SIK2: variants seen among roughly 807,000 people sequenced by gnomAD.
SIK2 encodes salt inducible kinase 2, also known as serine/threonine-protein kinase SIK2.
A neutral mutation model predicts 103.2 loss-of-function variants in SIK2; 29 were observed. That is an observed-to-expected ratio of 0.28 (90% CI 0.21 to 0.38). SIK2 has a LOEUF of 0.38. Ranked by LOEUF, SIK2 falls within the 10% of genes least tolerant of loss-of-function variation. SIK2 has a pLI of 1.00. For missense variants in SIK2, 879 were observed against 1,171.0 expected (o/e 0.75, Z 3.64); for synonymous variants, 412 against 446.1 (o/e 0.92, Z 0.96).
chr11:111,658,068 C>T (rs933060368), intron 3 of SIK2, among the ~76,000 whole-genome samples: 1 of 150,466 alleles, frequency 6.6e-6, no homozygotes, highest in Non-Finnish European at 1.5e-5. Flanking sequence ...TTTTAATTTA[C>T]TTATTTATTT....
intron 3 of SIK2, among the ~76,000 whole-genome samples, chr11:111,647,027 T>TA (rs1024057035): frequency 6.6e-6 from 1 of 152,240 alleles, no homozygotes; most frequent in African/African-American, 2.4e-5. Flanking sequence ...TTAACTACTT[T>TA]AAAAATATAA....
At chr11:111,648,756 A>G (rs1019627072) in intron 3 of SIK2, among the ~76,000 whole-genome samples, 1 of 151,998 alleles carries the variant, frequency 6.6e-6, no homozygotes, top group Non-Finnish European at 1.5e-5. Context: ...TCATTTGTAC[A>G]TTGTATGTTT....
intron 2 of SIK2, among the ~76,000 whole-genome samples, chr11:111,618,806 C>T (rs1211937290): frequency 6.6e-6 from 1 of 152,202 alleles, no homozygotes; most frequent in Non-Finnish European, 1.5e-5. Flanking sequence ...TCATAGCTCA[C>T]TGCAGCTTCA....
intron 3 of SIK2, among the ~76,000 whole-genome samples, chr11:111,668,065 T>G (rs1261373533): frequency 6.6e-6 from 1 of 152,046 alleles, no homozygotes; most frequent in Non-Finnish European, 1.5e-5. Context: ...ACTCTGAAAT[T>G]AGTCTTGAAG....
chr11:111,680,418 A>T (rs527902829), intron 3 of SIK2, among the ~76,000 whole-genome samples: 342 of 152,132 alleles, frequency 2.2e-3, no homozygotes, highest in Non-Finnish European at 3.9e-3. Context: ...GTTTTTTTTT[A>T]AAAAAGATTC....
intron 3 of SIK2, among the ~76,000 whole-genome samples, chr11:111,665,561 C>A (rs374550592): frequency 6.6e-6 from 1 of 151,898 alleles, no homozygotes; most frequent in South Asian, 2.1e-4. Flanking sequence ...TGGTGGCTCA[C>A]GCCTGTAATC....
chr11:111,699,060 G>C (rs1943149239), intron 4 of SIK2, among the ~76,000 whole-genome samples: 1 of 152,198 alleles, frequency 6.6e-6, no homozygotes, highest in Non-Finnish European at 1.5e-5. Flanking sequence ...GAGATATGAT[G>C]TTCTAGGAGT....
At position 111,693,134 on chromosome 11, in the gene SIK2, C is replaced by T. The variant is rs371804859; in HGVS notation, c.478+4972C>T. Among the ~76,000 whole-genome samples, 184 of 152,160 alleles carry T rather than the reference C, an allele frequency of 1.2e-3. 3 individuals carry two copies. The highest frequency in any genetic ancestry group is 0.011 in the East Asian group (55 of 5,174). ...GGATCACGAGGGCAGGATTTCGAGA[C>T]CATCCTGGCCAACATGGTGAAACCC... On this transcript the variant is annotated intron_variant, in intron 4 of 14. Transcript: ENST00000304987.
chr11:111,727,134 CA>C lies in SIK2; in HGVS notation c.*3006del. 2 of 1,296,346 alleles carry C rather than the reference CA, an allele frequency of 1.5e-6. No homozygotes were observed. Among genetic ancestry groups the C allele is most frequent in the Non-Finnish European group, 2.2e-6 (2 of 898,946 alleles). 80.3% of individuals were successfully genotyped at this position (1,296,346 alleles called of 1,614,324 possible). Reference sequence around the variant, plus strand: ...CATTCCCGGTGACACTGACCGTCCCCAGCTGCCCCCTCGCCACCTCTGCCTG... The same window carrying C: ...CATTCCCGGTGACACTGACCGTCCCCGCTGCCCCCTCGCCACCTCTGCCTG... On this transcript the variant is annotated 3_prime_UTR_variant, in exon 15 of 15. Coordinates refer to ENST00000304987, the MANE Select transcript of SIK2 (RefSeq NM_015191.3).
At chr11:111,614,752 T>G (rs1047649359) in intron 1 of SIK2, among the ~76,000 whole-genome samples, 1 of 152,184 alleles carries the variant, frequency 6.6e-6, no homozygotes, top group African/African-American at 2.4e-5. Context: ...CAGGAGACTG[T>G]GGGAATTATG....
intron 3 of SIK2, among the ~76,000 whole-genome samples, chr11:111,637,074 A>G (rs1240945615): frequency 6.6e-6 from 1 of 152,140 alleles, no homozygotes; most frequent in Non-Finnish European, 1.5e-5. Flanking sequence ...AATGCCTTTT[A>G]TTCAGATATT....
intron 1 of SIK2, among the ~76,000 whole-genome samples, chr11:111,604,496 T>C (rs775912035): frequency 1.4e-4 from 21 of 152,234 alleles, no homozygotes; most frequent in Non-Finnish European, 3.1e-4. Context: ...GTTAATACAG[T>C]AAGAGCTGCT....
At chr11:111,631,774 T>C (rs1942043427) in intron 3 of SIK2, among the ~76,000 whole-genome samples, 1 of 152,182 alleles carries the variant, frequency 6.6e-6, no homozygotes, top group African/African-American at 2.4e-5. Flanking sequence ...AGGCCTTAGG[T>C]CTTTGCACTT....
chr11:111,692,042 G>A (rs935583678), intron 4 of SIK2, among the ~76,000 whole-genome samples: 6 of 152,074 alleles, frequency 3.9e-5, no homozygotes, highest in African/African-American at 1.2e-4. Flanking sequence ...ATTGGGGATC[G>A]GGGAGACAGA....
Position 111,712,318 on chromosome 11 carries a change from A to G in SIK2, c.1209A>G (p.Ala403=). Residue 403 remains alanine, a synonymous_variant, in exon 9 of 15, where the codon GCA becomes GCG. Coordinates refer to ENST00000304987, the MANE Select transcript of SIK2 (RefSeq NM_015191.3). ...ASNVEAFSFP[A]SGCQAEAAFM... ...ACGTGGAGGCCTTTTCATTTCCAGC[A>G]TCTGGCTGTCAGGCGGAAGCTGCAT... The G allele has an allele frequency of 6.2e-7, 1 of 1,614,200 alleles. No homozygotes were observed. Among genetic ancestry groups the G allele is most frequent in the Non-Finnish European group, 8.5e-7 (1 of 1,180,038 alleles).
chr11:111,693,321 G>C (rs1343485991), intron 4 of SIK2, among the ~76,000 whole-genome samples: 1 of 148,648 alleles, frequency 6.7e-6, no homozygotes, highest in East Asian at 2.0e-4. Context: ...TGACAGAGGA[G>C]ACTCCGTCTC....
rs1944107742 is a variant in SIK2, at chr11:111,729,439, A to AAT, written c.*5311_*5312dup. The AAT allele has an allele frequency of 6.6e-6, 1 of 152,220 alleles. No individual in the cohort carries two copies. 9.4% of individuals were successfully genotyped at this position (152,220 alleles called of 1,614,324 possible). A position where few individuals can be genotyped will look rare whatever the true frequency, so the allele number is the denominator to read the frequency against. On this transcript the variant is annotated 3_prime_UTR_variant, in exon 15 of 15. Transcript: ENST00000304987. The stretch of plus-strand genomic sequence containing the variant: ...TCTAACCCTCACAACAATTCTATGA[A>AAT]ATTAGCTGGGGAGATACTGTCCTTA...
At chr11:111,638,028 G>C (rs1207444236) in intron 3 of SIK2, among the ~76,000 whole-genome samples, 5 of 152,090 alleles carry the variant, frequency 3.3e-5, no homozygotes, top group Admixed American at 1.3e-4. Flanking sequence ...CCAGTAGAAG[G>C]GATTTTTTCA....
At chr11:111,606,107 T>G (rs1258321304) in intron 1 of SIK2, among the ~76,000 whole-genome samples, 1 of 152,206 alleles carries the variant, frequency 6.6e-6, no homozygotes, top group Non-Finnish European at 1.5e-5. Flanking sequence ...TTGAGTAGTT[T>G]ATTTTATCAA....
Sources: allele counts gnomAD v4.1 joint callset (sites outside exome capture counted in the v4.1 genomes callset), GRCh38; gene constraint gnomAD v4.1.1; transcripts MANE v1.5; gene names NCBI Gene and HGNC (gene_info 2026-07-23, HGNC 2026-07-21).